KIF5B: variants seen among roughly 807,000 people sequenced by gnomAD.
KIF5B encodes kinesin-1 heavy chain.
In KIF5B, 49 loss-of-function variants were observed where a neutral mutation model predicts 132.8. The observed-to-expected ratio is 0.37, with a 90% CI of 0.29 to 0.47. KIF5B has a LOEUF of 0.47. KIF5B is among the 20% of genes least tolerant of loss of function. The pLI, the probability that KIF5B is intolerant of heterozygous loss-of-function variation, is 1.00. For synonymous variants in KIF5B, 355 were observed against 369.4 expected, an observed-to-expected ratio of 0.96 and a Z score of 0.45; for missense variants, 780 against 1,144.0, an observed-to-expected ratio of 0.68 and a Z score of 4.59.
intron 13 of KIF5B, among the ~76,000 whole-genome samples, chr10:32,031,675 G>A (rs1382820177): frequency 6.6e-6 from 1 of 151,626 alleles, no homozygotes; most frequent in Non-Finnish European, 1.5e-5. Flanking sequence ...TGTAATAAAG[G>A]AAAATGGCAT....
intron 2 of KIF5B, among the ~76,000 whole-genome samples, chr10:32,046,068 A>G (rs1841604869): frequency 6.6e-6 from 1 of 152,156 alleles, no homozygotes; most frequent in South Asian, 2.1e-4. Context: ...CCCCAGTATA[A>G]AACTCAAAAT....
rs993418879 is a variant in KIF5B, at chr10:32,009,675, T to C, written c.*1862A>G. 2 of 152,298 alleles carry C rather than the reference T, an allele frequency of 1.3e-5. No homozygotes were observed. Among genetic ancestry groups the C allele is most frequent in the Non-Finnish European group, 2.9e-5 (2 of 68,024 alleles). The allele number at this position is 152,298 out of a possible 1,614,324, so 9.4% of individuals were successfully genotyped here. ...GAAAAAAGAGAAAAAAAAATTCTGC[T>C]TCATTTACGAATGTTGCCAAAGGAG... On this transcript the variant is annotated 3_prime_UTR_variant, in exon 26 of 26. Coordinates refer to ENST00000302418, the MANE Select transcript of KIF5B (RefSeq NM_004521.3).
In KIF5B at chr10:32,035,037, TA is replaced by T. The variant is rs577102313; in HGVS notation, c.963-200del. Among the ~76,000 whole-genome samples, 425 of 143,734 alleles carry T rather than the reference TA, an allele frequency of 3.0e-3. 1 individual carries two copies. The highest frequency in any genetic ancestry group is 6.8e-3 in the African/African-American group (269 of 39,568). 94.3% of individuals were successfully genotyped at this position (143,734 alleles called of 152,430 possible). ...CTGCTCCAAAATCTGTGAATAGCTT[TA>T]AAAAAAAAAAAATCAACAAACCACT... is the stretch of plus-strand genomic sequence containing the variant. On this transcript the variant is annotated intron_variant, in intron 10 of 25. Transcript: ENST00000302418.
In KIF5B at chr10:32,033,882, T is replaced by C; in HGVS notation, c.1268A>G (p.Glu423Gly). The C allele has an allele frequency of 6.2e-7, 1 of 1,613,160 alleles. No individual in the cohort carries two copies. The highest frequency in any genetic ancestry group is 8.5e-7 in the Non-Finnish European group (1 of 1,179,690). ...CTGTTTGTATAATTTAGCAATTTCT[T>C]CTTCACACTTTCTTCTTTCAGCATC... ...FTDAERRKCEEEIAKLYKQLD... is the reference protein window; with the variant it reads ...FTDAERRKCEGEIAKLYKQLD... The change falls in exon 12 of 26, where the codon GAA (glutamate) becomes GGA (glycine). Residue 423 changes from glutamate to glycine, a missense_variant. By Grantham distance (98) the Glu-to-Gly change is moderately conservative. Around this residue, in one of 9 missense-constraint regions of KIF5B, gnomAD observed 471 missense variants for 569.9 expected, o/e 0.83. Coordinates refer to ENST00000302418, the MANE Select transcript of KIF5B (RefSeq NM_004521.3).
intron 1 of KIF5B, among the ~76,000 whole-genome samples, chr10:32,054,186 T>G (rs1211193648): frequency 6.6e-6 from 1 of 152,246 alleles, no homozygotes; most frequent in Non-Finnish European, 1.5e-5. Flanking sequence ...AGCTGAGTAC[T>G]GTAAACCACA....
At chr10:32,038,396 T>A (rs1841489081) in intron 5 of KIF5B, among the ~76,000 whole-genome samples, 178 bp from the exon 6 acceptor site, 2 of 152,144 alleles carry the variant, frequency 1.3e-5, no homozygotes, top group South Asian at 4.1e-4. Context: ...TAGAAACCAA[T>A]GCAACAATAT....
rs761993870 is a variant in KIF5B at position 32,018,552 on chromosome 10, C to T, written c.2317G>A (p.Asp773Asn). 1 of 1,612,394 alleles carries T rather than the reference C, an allele frequency of 6.2e-7. No homozygotes were observed. Among genetic ancestry groups the T allele is most frequent in the Non-Finnish European group, 8.5e-7 (1 of 1,178,874 alleles). Reference sequence around the variant, plus strand: ...TCTTGTCTTGCTTGTTCTCGTCTATCTTGCATAACCCTAACAGTAGAAGAA... The same window carrying T: ...TCTTGTCTTGCTTGTTCTCGTCTATTTTGCATAACCCTAACAGTAGAAGAA... ...RKLHELTVMQ[D>N]RREQARQDLK... The change falls in exon 21 of 26, where the codon GAT (aspartate) becomes AAT (asparagine). Residue 773 changes from aspartate to asparagine, a missense_variant. Around this residue, in one of 9 missense-constraint regions of KIF5B, gnomAD observed 471 missense variants for 569.9 expected, o/e 0.83. Transcript: ENST00000302418.
chr10:32,036,002 T>A lies in KIF5B; in HGVS notation c.712-8A>T. On this transcript the variant is annotated splice_polypyrimidine_tract_variant and splice_region_variant and intron_variant, in intron 8 of 25. Coordinates refer to ENST00000302418, the MANE Select transcript of KIF5B (RefSeq NM_004521.3). ...AGCTCCAGTTTTACTAACCTATACA[T>A]AAGATTTCAAAAGAATGAAACAAAA... 1 of 1,527,702 alleles carries A rather than the reference T, an allele frequency of 6.5e-7. No homozygotes were observed. Among genetic ancestry groups the A allele is most frequent in the South Asian group, 1.2e-5 (1 of 80,242 alleles). The allele number at this position is 1,527,702 out of a possible 1,614,324, so 94.6% of individuals were successfully genotyped here. A position where few individuals can be genotyped will look rare whatever the true frequency, so the allele number is the denominator to read the frequency against.
intron 2 of KIF5B, among the ~76,000 whole-genome samples, chr10:32,043,069 C>A (rs1460613745): frequency 6.6e-6 from 1 of 152,046 alleles, no homozygotes; most frequent in Non-Finnish European, 1.5e-5. Flanking sequence ...CTCACTGCAA[C>A]CTCGGCTCAC....
intron 16 of KIF5B, 114 bp downstream of exon 16, chr10:32,022,734 A>G: frequency 7.0e-6 from 5 of 717,716 alleles, no homozygotes; most frequent in Non-Finnish European, 1.1e-5. Flanking sequence ...TAGACTAGGA[A>G]AAAAACAACT....
chr10:32,010,217 G>A lies in KIF5B; in HGVS notation c.*1320C>T, dbSNP rs1841057275. 6.6e-6 allele frequency: 1 copy of A among 152,102 alleles called. No homozygotes were observed. The highest frequency in any genetic ancestry group is 1.5e-5 in the Non-Finnish European group (1 of 67,988). 9.4% of individuals were successfully genotyped at this position (152,102 alleles called of 1,614,324 possible). On this transcript the variant is annotated 3_prime_UTR_variant, in exon 26 of 26. Transcript: ENST00000302418. ...TTGCAGTCACCGCCCCCCTACCACT[G>A]ATGAAGCAAATAGTGAAATCTCTTT...
chr10:32,017,279 T>C lies in KIF5B; in HGVS notation c.2625A>G (p.Lys875=), dbSNP rs751428790. The stretch of plus-strand genomic sequence containing the variant: ...CTTCTTTCAGTGCTGATTCCAAAGC[T>C]TTCACTCTCTCAGCTGTAGCTCGAA... The part of the protein sequence containing the change: ...KRLRATAERV[K]ALESALKEAK... Residue 875 remains lysine (K), a synonymous_variant, in exon 24 of 26, where the codon AAA becomes AAG. Coordinates refer to ENST00000302418, the MANE Select transcript of KIF5B (RefSeq NM_004521.3). The C allele has an allele frequency of 4.3e-6, 7 of 1,614,206 alleles. No individual in the cohort carries two copies. In the South Asian group the frequency reaches 4.4e-5, roughly 10 times the overall value.
intron 8 of KIF5B, among the ~76,000 whole-genome samples, chr10:32,036,400 AAAT>A (rs1386618090): frequency 1.3e-5 from 2 of 152,120 alleles, no homozygotes; most frequent in African/African-American, 4.8e-5. Context: ...AAAATATATA[AAAT>A]ATCTAAATAT....
At chr10:32,036,643 G>C (rs1841462934) in intron 8 of KIF5B, among the ~76,000 whole-genome samples, 1 of 152,212 alleles carries the variant, frequency 6.6e-6, no homozygotes, top group Non-Finnish European at 1.5e-5. Flanking sequence ...TGAAGAAATA[G>C]CTTAGGAGAT....
intron 24 of KIF5B, among the ~76,000 whole-genome samples, chr10:32,016,815 C>T (rs1010206289): frequency 3.3e-5 from 5 of 152,200 alleles, no homozygotes; most frequent in African/African-American, 7.2e-5. Flanking sequence ...GGATTACAGG[C>T]GTGAGCCGCT....
intron 13 of KIF5B, 27 bp from the exon 14 acceptor site, chr10:32,031,306 C>T (rs1274267009): frequency 6.3e-7 from 1 of 1,582,056 alleles, no homozygotes. Flanking sequence ...AATTTATTTT[C>T]CCCAAAAGTA....
intron 3 of KIF5B, 81 bp from the exon 4 acceptor site, chr10:32,039,512 T>G (rs879208178): frequency 2.1e-5 from 15 of 703,330 alleles, no homozygotes; most frequent in Middle Eastern, 3.1e-4. Context: ...CTACAACTTA[T>G]AGTCAAGAAA....
intron 25 of KIF5B, among the ~76,000 whole-genome samples, chr10:32,014,425 G>A (rs938971635): frequency 2.0e-5 from 3 of 150,398 alleles, no homozygotes; most frequent in Non-Finnish European, 4.4e-5. Context: ...GTTTGTGGGG[G>A]CAGGGGGCCG....
intron 23 of KIF5B, 84 bp from the exon 24 acceptor site, chr10:32,017,443 A>T: frequency 6.6e-6 from 7 of 1,062,328 alleles, no homozygotes; most frequent in Non-Finnish European, 9.6e-6. Flanking sequence ...TGCTCTTTAG[A>T]AAAGTAAAAC....
Sources: gnomAD v4.1 joint callset for allele counts (sites outside exome capture counted in the v4.1 genomes callset) on GRCh38, gnomAD v4.1.1 for gene constraint, gnomAD v4.1.1 regional missense constraint, MANE v1.5 for transcripts, NCBI Gene and HGNC (gene_info 2026-07-23, HGNC 2026-07-21) for gene names.